Variants in TRAPPC5 observed in about 807,000 individuals in gnomAD.
TRAPPC5 encodes the protein trafficking protein particle complex 5.
In TRAPPC5, 5 loss-of-function variants were observed where a neutral mutation model predicts 9.8. The ratio of observed to expected loss-of-function variants is 0.51; its 90% CI spans 0.27 to 1.07. The LOEUF is 1.07. TRAPPC5 is among the 50% of genes least tolerant of loss of function. TRAPPC5 has a pLI of 0.12. For synonymous variants in TRAPPC5, 146 were observed against 140.7 expected, an observed-to-expected ratio of 1.04 and a Z score of -0.26; for missense variants, 243 against 291.5, an observed-to-expected ratio of 0.83 and a Z score of 1.21.
chr19:7,682,763 C>A lies in TRAPPC5; in HGVS notation c.510C>A (p.Leu170=), dbSNP rs1261260154. ...VTAHWHKGTT[L]MIKFEEAVIA... is the part of the protein sequence containing the mutation. ...CGCACTGGCACAAGGGCACCACGCT[C>A]ATGATCAAGTTCGAGGAGGCAGTCA... is the stretch of plus-strand genomic sequence containing the variant. Residue 170 remains leucine (L), a synonymous_variant, in exon 2 of 2, where the codon CTC becomes CTA. Coordinates refer to ENST00000596148, the MANE Select transcript of TRAPPC5 (RefSeq NM_001042462.2). This position sits in a 1 kb window ranked among gnomAD's most constrained non-coding sequence, Gnocchi z 8.6. The A allele has an allele frequency of 1.9e-6, 3 of 1,611,544 alleles. No individual in the cohort carries two copies. In the East Asian group the frequency reaches 6.7e-5, roughly 36 times the overall value.
At position 7,683,864 on chromosome 19, in the gene TRAPPC5, G is replaced by A. The variant is rs1234325968; in HGVS notation, c.*1044G>A. 6.6e-6 allele frequency: 1 copy of A among 151,888 alleles called. No homozygotes were observed. The highest frequency in any genetic ancestry group is 2.0e-4 in the East Asian group (1 of 5,100). The allele number at this position is 151,888 out of a possible 1,614,324, so 9.4% of individuals were successfully genotyped here. A position where few individuals can be genotyped will look rare whatever the true frequency, so the allele number is the denominator to read the frequency against. On this transcript the variant is annotated 3_prime_UTR_variant, in exon 2 of 2. Transcript: ENST00000596148. ...GGGTTTCACCATGTTAGCCAGGATG[G>A]TCTCGATCTCCTCACCTCGTGATCT...
rs112957211 is a variant in TRAPPC5 at position 7,682,837 on chromosome 19, G to A, written c.*17G>A. 5.0e-4 allele frequency: 773 copies of A among 1,559,834 alleles called. 4 individuals are homozygous for A. In the African/African-American group the frequency reaches 9.7e-3, roughly 20 times the overall value. On this transcript the variant is annotated 3_prime_UTR_variant, in exon 2 of 2. Transcript: ENST00000596148. The surrounding 1 kb of genome is among the most constrained non-coding windows in gnomAD (Gnocchi z 8.6). ...GGCCGCTGACCCTGCCGGAGATAAA[G>A]GATACAGAGAGCCCCTCCCCACGTG... is the stretch of plus-strand genomic sequence containing the variant.
rs1599426260 is a variant in TRAPPC5, at chr19:7,683,067, G to A, written c.*247G>A. ...AGGAGTTGGTGGGAAATGCTGGCAG[G>A]TTCTGGAATCACGGTTGGAGGCTGT... is the stretch of plus-strand genomic sequence containing the variant. On this transcript the variant is annotated 3_prime_UTR_variant, in exon 2 of 2. Coordinates refer to ENST00000596148, the MANE Select transcript of TRAPPC5 (RefSeq NM_001042462.2). 9 of 545,162 alleles carry A rather than the reference G, an allele frequency of 1.7e-5. No homozygotes were observed. The highest frequency in any genetic ancestry group is 2.9e-5 in the Non-Finnish European group (9 of 306,430). The allele number at this position is 545,162 out of a possible 1,614,324, so 33.8% of individuals were successfully genotyped here. A position where few individuals can be genotyped will look rare whatever the true frequency, so the allele number is the denominator to read the frequency against.
In TRAPPC5 at chr19:7,684,847, T is replaced by A. The variant is rs1048344601; in HGVS notation, c.*2027T>A. 8 of 150,640 alleles carry A rather than the reference T, an allele frequency of 5.3e-5. No individual in the cohort carries two copies. The highest frequency in any genetic ancestry group is 1.5e-4 in the African/African-American group (6 of 40,780). The allele number at this position is 150,640 out of a possible 1,614,324, so 9.3% of individuals were successfully genotyped here. A position where few individuals can be genotyped will look rare whatever the true frequency, so the allele number is the denominator to read the frequency against. ...AAACACATTTCCCTTGTTAAAAAAA[T>A]TTTAAAATAAGTGGGGTGCAGTGGT... is the stretch of plus-strand genomic sequence containing the variant. On this transcript the variant is annotated 3_prime_UTR_variant, in exon 2 of 2. Coordinates refer to ENST00000596148, the MANE Select transcript of TRAPPC5 (RefSeq NM_001042462.2).
Position 7,684,864 on chromosome 19 carries a change from T to G in TRAPPC5, c.*2044T>G, listed in dbSNP as rs1055050122. On this transcript the variant is annotated 3_prime_UTR_variant, in exon 2 of 2. Coordinates refer to ENST00000596148, the MANE Select transcript of TRAPPC5 (RefSeq NM_001042462.2). ...TAAAAAAATTTTAAAATAAGTGGGG[T>G]GCAGTGGTGCACACCTGGAGTCCCA... 6.6e-6 allele frequency: 1 copy of G among 152,040 alleles called. No individual in the cohort carries two copies. Among genetic ancestry groups the G allele is most frequent in the Admixed American group, 6.6e-5 (1 of 15,254 alleles). 9.4% of individuals were successfully genotyped at this position (152,040 alleles called of 1,614,324 possible). A position where few individuals can be genotyped will look rare whatever the true frequency, so the allele number is the denominator to read the frequency against.
rs1026271261 is a variant in TRAPPC5 at position 7,682,718 on chromosome 19, C to T, written c.465C>T (p.Gly155=). ...TGGAGGCGGTGCTCACACACAGCGG[C>T]TTCCCTGCCAAGGTCACGGCGCACT... ...GIVEAVLTHS[G]FPAKVTAHWH... Residue 155 remains glycine, a synonymous_variant, in exon 2 of 2, where the codon GGC becomes GGT. Coordinates refer to ENST00000596148, the MANE Select transcript of TRAPPC5 (RefSeq NM_001042462.2). The surrounding 1 kb of genome is among the most constrained non-coding windows in gnomAD (Gnocchi z 8.6). 8 of 1,612,476 alleles carry T rather than the reference C, an allele frequency of 5.0e-6. No homozygotes were observed. Among genetic ancestry groups the T allele is most frequent in the Non-Finnish European group, 6.8e-6 (8 of 1,179,482 alleles).
Position 7,682,266 on chromosome 19 carries a change from T to C in TRAPPC5, c.13T>C (p.Phe5Leu). The change falls in exon 2 of 2, where the codon TTC becomes CTC. Residue 5 changes from phenylalanine (F) to leucine (L), a missense_variant. Transcript: ENST00000596148. This position sits in a 1 kb window ranked among gnomAD's most constrained non-coding sequence, Gnocchi z 8.6. MEARFTRGKSALLER... is the reference protein window; with the variant it reads MEARLTRGKSALLER... ...GGGTGGCGGCGGCATGGAGGCGCGC[T>C]TCACGCGCGGGAAGTCGGCGCTGCT... The C allele has an allele frequency of 1.4e-6, 2 of 1,405,312 alleles. No individual in the cohort carries two copies. The highest frequency in any genetic ancestry group is 1.8e-6 in the Non-Finnish European group (2 of 1,086,418). 87.1% of individuals were successfully genotyped at this position (1,405,312 alleles called of 1,614,324 possible).
rs1366579471 is a variant in TRAPPC5 at position 7,684,121 on chromosome 19, C to T, written c.*1301C>T. The T allele has an allele frequency of 6.6e-6, 1 of 152,202 alleles. No individual in the cohort carries two copies. The highest frequency in any genetic ancestry group is 1.5e-5 in the Non-Finnish European group (1 of 68,062). The allele number at this position is 152,202 out of a possible 1,614,324, so 9.4% of individuals were successfully genotyped here. A position where few individuals can be genotyped will look rare whatever the true frequency, so the allele number is the denominator to read the frequency against. ...TTCTGTAGATCAGCAGTAGCAGCAT[C>T]AACTGGGAGTTGGTCCATAATGCAG... On this transcript the variant is annotated 3_prime_UTR_variant, in exon 2 of 2. Transcript: ENST00000596148.
At position 7,682,115 on chromosome 19, in the gene TRAPPC5, A is replaced by C. The variant is rs2032646501; in HGVS notation, c.-12-127A>C. ...ATCTCTTTGCAAGTGGGAAGTCGGC[A>C]CTGGAGCACACAACAGTGGCATGGG... On this transcript the variant is annotated intron_variant, in intron 1 of 1. Transcript: ENST00000596148. The surrounding 1 kb of genome is among the most constrained non-coding windows in gnomAD (Gnocchi z 8.6). The C allele has an allele frequency of 8.6e-6, 6 of 698,234 alleles. No homozygotes were observed. The highest frequency in any genetic ancestry group is 3.8e-5 in the African/African-American group (2 of 52,762). 43.3% of individuals were successfully genotyped at this position (698,234 alleles called of 1,614,324 possible). A position where few individuals can be genotyped will look rare whatever the true frequency, so the allele number is the denominator to read the frequency against.
Position 7,681,477 on chromosome 19 carries a change from CCAA to C in TRAPPC5, c.-13+602_-13+604del, listed in dbSNP as rs111526432. On this transcript the variant is annotated intron_variant, in intron 1 of 1. Coordinates refer to ENST00000596148, the MANE Select transcript of TRAPPC5 (RefSeq NM_001042462.2). The surrounding 1 kb of genome is among the most constrained non-coding windows in gnomAD (Gnocchi z 8.7). The stretch of plus-strand genomic sequence containing the variant: ...TGGAGAGCACGGGGGTGGGAGGCTC[CCAA>C]CACCTCTGGGCCCCTCCTCCCAGCC... 2.5e-3 allele frequency among the ~76,000 whole-genome samples: 387 copies of C among 152,292 alleles called. 1 individual carries two copies. Among genetic ancestry groups the C allele is most frequent in the African/African-American group, 9.0e-3 (372 of 41,554 alleles).
At position 7,685,912 on chromosome 19, in the gene TRAPPC5, T is replaced by G. The variant is rs2032711158; in HGVS notation, c.*3092T>G. ...GTCTGCACAGACACAGAAACCACAG[T>G]CCTGGATGGGGGACGGAGGGAGGGG... On this transcript the variant is annotated 3_prime_UTR_variant, in exon 2 of 2. Coordinates refer to ENST00000596148, the MANE Select transcript of TRAPPC5 (RefSeq NM_001042462.2). The G allele has an allele frequency of 6.6e-6, 1 of 152,280 alleles. No homozygotes were observed. Among genetic ancestry groups the G allele is most frequent in the Admixed American group, 6.6e-5 (1 of 15,256 alleles). The allele number at this position is 152,280 out of a possible 1,614,324, so 9.4% of individuals were successfully genotyped here. A position where few individuals can be genotyped will look rare whatever the true frequency, so the allele number is the denominator to read the frequency against.
Position 7,682,380 on chromosome 19 carries a change from C to T in TRAPPC5, c.127C>T (p.Arg43Cys). The T allele has an allele frequency of 1.3e-6, 2 of 1,569,544 alleles. No homozygotes were observed. The highest frequency in any genetic ancestry group is 2.4e-5 in the East Asian group (1 of 42,262). ...FSELVQHCQS[R>C]VFSVAELQSR... The stretch of plus-strand genomic sequence containing the variant: ...CGAGCTGGTACAGCACTGCCAGAGC[C>T]GCGTCTTCTCCGTGGCCGAGCTGCA... The change falls in exon 2 of 2, where the codon CGC becomes TGC. Residue 43 changes from arginine (R) to cysteine (C), a missense_variant. Transcript: ENST00000596148. The surrounding 1 kb of genome is among the most constrained non-coding windows in gnomAD (Gnocchi z 8.6).
rs2032719110 is a variant in TRAPPC5, at chr19:7,686,529, A to G, written c.*3709A>G. 6.6e-6 allele frequency: 1 copy of G among 151,992 alleles called. No homozygotes were observed. Among genetic ancestry groups the G allele is most frequent in the African/African-American group, 2.4e-5 (1 of 41,374 alleles). The allele number at this position is 151,992 out of a possible 1,614,324, so 9.4% of individuals were successfully genotyped here. On this transcript the variant is annotated 3_prime_UTR_variant, in exon 2 of 2. Coordinates refer to ENST00000596148, the MANE Select transcript of TRAPPC5 (RefSeq NM_001042462.2). ...ACACAGATTAATTATTATTATTATTATTATTTAGAGATGGAGTCTCACTCT... is the reference window on the plus strand; with the variant it reads ...ACACAGATTAATTATTATTATTATTGTTATTTAGAGATGGAGTCTCACTCT...
In TRAPPC5 at chr19:7,680,856, C is replaced by G. The variant is rs986465946; in HGVS notation, c.-35C>G. On this transcript the variant is annotated 5_prime_UTR_variant, in exon 1 of 2. Coordinates refer to ENST00000596148, the MANE Select transcript of TRAPPC5 (RefSeq NM_001042462.2). ...TTACGGCGCCGTAAAGCAGCTCGGCCGAGCAGACTGCTGCGGTTCCTGGTG... is the reference window on the plus strand; with the variant it reads ...TTACGGCGCCGTAAAGCAGCTCGGCGGAGCAGACTGCTGCGGTTCCTGGTG... 8 of 152,262 alleles carry G rather than the reference C, an allele frequency of 5.3e-5. No individual in the cohort carries two copies. Among genetic ancestry groups the G allele is most frequent in the Non-Finnish European group, 8.8e-5 (6 of 68,066 alleles). The allele number at this position is 152,262 out of a possible 1,614,324, so 9.4% of individuals were successfully genotyped here. A position where few individuals can be genotyped will look rare whatever the true frequency, so the allele number is the denominator to read the frequency against.
Position 7,682,234 on chromosome 19 carries a change from C to T in TRAPPC5, c.-12-8C>T. On this transcript the variant is annotated splice_region_variant and splice_polypyrimidine_tract_variant and intron_variant, in intron 1 of 1. Transcript: ENST00000596148. This position sits in a 1 kb window ranked among gnomAD's most constrained non-coding sequence, Gnocchi z 8.6. ...CCCTGACACCTGCACTTCCTGGTCT[C>T]CCCGCAGGGTGGCGGCGGCATGGAG... 2.9e-6 allele frequency: 4 copies of T among 1,387,996 alleles called. No individual in the cohort carries two copies. In the South Asian group the frequency reaches 4.9e-5, roughly 17 times the overall value. The allele number at this position is 1,387,996 out of a possible 1,614,324, so 86.0% of individuals were successfully genotyped here.
chr19:7,686,524 T>G lies in TRAPPC5; in HGVS notation c.*3704T>G, dbSNP rs1238629467. 5.3e-5 allele frequency: 8 copies of G among 152,064 alleles called. No homozygotes were observed. Among genetic ancestry groups the G allele is most frequent in the Admixed American group, 5.2e-4 (8 of 15,264 alleles). The allele number at this position is 152,064 out of a possible 1,614,324, so 9.4% of individuals were successfully genotyped here. A position where few individuals can be genotyped will look rare whatever the true frequency, so the allele number is the denominator to read the frequency against. ...TGGTCACACAGATTAATTATTATTA[T>G]TATTATTATTTAGAGATGGAGTCTC... On this transcript the variant is annotated 3_prime_UTR_variant, in exon 2 of 2. Coordinates refer to ENST00000596148, the MANE Select transcript of TRAPPC5 (RefSeq NM_001042462.2).
Position 7,682,670 on chromosome 19 carries a change from C to A in TRAPPC5, c.417C>A (p.Cys139Ter). 6.2e-7 allele frequency: 1 copy of A among 1,613,892 alleles called. No individual in the cohort carries two copies. Among genetic ancestry groups the A allele is most frequent in the Non-Finnish European group, 8.5e-7 (1 of 1,179,936 alleles). The change falls in exon 2 of 2, where the codon TGC becomes TGA. Residue 139 changes from cysteine (C) to a stop codon, truncating the protein, a stop_gained. Transcript: ENST00000596148. LOFTEE classifies it high-confidence loss of function. This position sits in a 1 kb window ranked among gnomAD's most constrained non-coding sequence, Gnocchi z 8.6. ...SVPKENSTLN[C>*]ASFTAGIVEA... ...CCAAGGAGAACAGCACGCTCAACTGCGCCAGCTTCACGGCGGGCATCGTGG... is the reference window on the plus strand; with the variant it reads ...CCAAGGAGAACAGCACGCTCAACTGAGCCAGCTTCACGGCGGGCATCGTGG...
Position 7,685,390 on chromosome 19 carries a change from T to G in TRAPPC5, c.*2570T>G, listed in dbSNP as rs1599427400. ...CCAAGGAAAGTTCTTCCAGATTTTTTGGGGGAACCATGATCCAATCTTCCC... is the reference window on the plus strand; with the variant it reads ...CCAAGGAAAGTTCTTCCAGATTTTTGGGGGGAACCATGATCCAATCTTCCC... On this transcript the variant is annotated 3_prime_UTR_variant, in exon 2 of 2. Coordinates refer to ENST00000596148, the MANE Select transcript of TRAPPC5 (RefSeq NM_001042462.2). 1 of 152,330 alleles carries G rather than the reference T, an allele frequency of 6.6e-6. No homozygotes were observed. Among genetic ancestry groups the G allele is most frequent in the East Asian group, 1.9e-4 (1 of 5,180 alleles). The allele number at this position is 152,330 out of a possible 1,614,324, so 9.4% of individuals were successfully genotyped here. A position where few individuals can be genotyped will look rare whatever the true frequency, so the allele number is the denominator to read the frequency against.
rs1191165200 is a variant in TRAPPC5, at chr19:7,683,900, G to C, written c.*1080G>C. On this transcript the variant is annotated 3_prime_UTR_variant, in exon 2 of 2. Transcript: ENST00000596148. ...CTCACCTCGTGATCTGCCCACCTCGGCTTCCCAAAGTGCTGGGATTACAGG... is the reference window on the plus strand; with the variant it reads ...CTCACCTCGTGATCTGCCCACCTCGCCTTCCCAAAGTGCTGGGATTACAGG... The C allele has an allele frequency of 2.0e-5, 3 of 152,232 alleles. No homozygotes were observed. The highest frequency in any genetic ancestry group is 7.2e-5 in the African/African-American group (3 of 41,424). 9.4% of individuals were successfully genotyped at this position (152,232 alleles called of 1,614,324 possible).
Sources: allele counts gnomAD v4.1 joint callset (sites outside exome capture counted in the v4.1 genomes callset), GRCh38; gene constraint gnomAD v4.1.1; non-coding constraint Gnocchi (gnomAD v3.1); transcripts MANE v1.5; gene names NCBI Gene and HGNC (gene_info 2026-07-23, HGNC 2026-07-21).